The following ZC3H12C variants were observed in gnomAD, a reference collection of about 807,000 sequenced individuals.
ZC3H12C encodes the protein probable ribonuclease ZC3H12C.
A neutral mutation model predicts 76.3 loss-of-function variants in ZC3H12C; 20 were observed. That is an observed-to-expected ratio of 0.26 (90% CI 0.18 to 0.38). The LOEUF (loss-of-function observed/expected upper bound fraction) is 0.38. Ranked by LOEUF, ZC3H12C falls within the 10% of genes least tolerant of loss-of-function variation. ZC3H12C has a pLI of 1.00. For missense variants in ZC3H12C, 874 were observed against 1,086.5 expected, an observed-to-expected ratio of 0.80 and a Z score of 2.75; for synonymous variants, 352 against 399.6, an observed-to-expected ratio of 0.88 and a Z score of 1.42.
chr11:110,165,210 C>T lies in ZC3H12C; in HGVS notation c.2125C>T (p.His709Tyr). The T allele has an allele frequency of 1.2e-6, 2 of 1,613,932 alleles. No homozygotes were observed. The highest frequency in any genetic ancestry group is 1.7e-6 in the Non-Finnish European group (2 of 1,179,908). ...GCCTCCTCTTCCGCACCTGGCTCTG[C>T]ACCTGCCGCACTCCGCTGTGGGCGC... ...HKPPLPHLAL[H>Y]LPHSAVGARS... The change falls in exon 6 of 6, where the codon CAC becomes TAC. Residue 709 changes from histidine (H) to tyrosine (Y), a missense_variant. His to Tyr is a moderately conservative substitution (Grantham distance 83). Coordinates refer to ENST00000278590, the MANE Select transcript of ZC3H12C (RefSeq NM_033390.2).
intron 2 of ZC3H12C, among the ~76,000 whole-genome samples, chr11:110,145,030 A>T (rs1034139564): frequency 1.3e-5 from 2 of 152,194 alleles, no homozygotes; most frequent in Non-Finnish European, 2.9e-5. Flanking sequence ...TTGTCCCATC[A>T]TCTTCCCTTC....
At position 110,105,255 on chromosome 11, in the gene ZC3H12C, G is replaced by A. The variant is rs1227310441; in HGVS notation, c.21+11823G>A. On this transcript the variant is annotated intron_variant, in intron 1 of 5. Transcript: ENST00000278590. ...ATCTTTGGCATCATTTTCTTTGATG[G>A]CCTCATTGAGTTGATGATCTTATGT... Among the ~76,000 whole-genome samples the A allele has an allele frequency of 2.6e-5, 4 of 152,134 alleles. No individual in the cohort carries two copies. In the East Asian group the frequency reaches 7.7e-4, roughly 29 times the overall value.
At chr11:110,093,969 C>G (rs994244452) in intron 1 of ZC3H12C, among the ~76,000 whole-genome samples, 2 of 152,172 alleles carry the variant, frequency 1.3e-5, no homozygotes, top group East Asian at 1.9e-4. Flanking sequence ...CTCACTCCCC[C>G]CTCGTCCCTC....
In ZC3H12C at chr11:110,167,476, A is replaced by ATAT. The variant is rs1862605165; in HGVS notation, c.*1742_*1744dup. ...AATGTCTGTCTTAGTTTTATATAAT[A>ATAT]TATTAAAACACAGTAAATAAATTTA... On this transcript the variant is annotated 3_prime_UTR_variant, in exon 6 of 6. Coordinates refer to ENST00000278590, the MANE Select transcript of ZC3H12C (RefSeq NM_033390.2). The ATAT allele has an allele frequency of 6.6e-6, 1 of 152,206 alleles. No homozygotes were observed. Among genetic ancestry groups the ATAT allele is most frequent in the African/African-American group, 2.4e-5 (1 of 41,448 alleles). 9.4% of individuals were successfully genotyped at this position (152,206 alleles called of 1,614,324 possible). A position where few individuals can be genotyped will look rare whatever the true frequency, so the allele number is the denominator to read the frequency against.
chr11:110,107,533 GT>G (rs571102713), intron 1 of ZC3H12C, among the ~76,000 whole-genome samples: 4 of 149,220 alleles, frequency 2.7e-5, no homozygotes, highest in African/African-American at 7.4e-5. Context: ...CTTTTTTTTT[GT>G]TTTTTTTTAA....
At chr11:110,120,407 C>G (rs1861631999) in intron 1 of ZC3H12C, among the ~76,000 whole-genome samples, 1 of 152,130 alleles carries the variant, frequency 6.6e-6, no homozygotes, top group East Asian at 1.9e-4. Flanking sequence ...CTTAGGAACA[C>G]TGGACAGCAT....
intron 2 of ZC3H12C, 34 bp from the exon 3 acceptor site, chr11:110,152,885 G>A (rs775973894): frequency 6.3e-7 from 1 of 1,595,926 alleles, no homozygotes. Flanking sequence ...TTTAGGTTTT[G>A]TTGTGTTTTA....
intron 1 of ZC3H12C, among the ~76,000 whole-genome samples, chr11:110,114,459 A>G (rs1173635437): frequency 3.3e-5 from 5 of 152,212 alleles, no homozygotes; most frequent in South Asian, 2.1e-4. Context: ...GTTCTTAAGA[A>G]TAGCAACTTG....
At chr11:110,142,894 C>T (rs1862092728) in intron 2 of ZC3H12C, among the ~76,000 whole-genome samples, 1 of 152,128 alleles carries the variant, frequency 6.6e-6, no homozygotes, top group Non-Finnish European at 1.5e-5. Context: ...CCTGCCATGC[C>T]ATGGAATTTC....
intron 1 of ZC3H12C, among the ~76,000 whole-genome samples, chr11:110,130,124 T>C (rs1861833934): frequency 6.6e-6 from 1 of 152,202 alleles, no homozygotes; most frequent in Non-Finnish European, 1.5e-5. Flanking sequence ...ACTTTGCTTC[T>C]CTTTAATTAC....
At chr11:110,146,709 A>G (rs1862177666) in intron 2 of ZC3H12C, among the ~76,000 whole-genome samples, 1 of 152,244 alleles carries the variant, frequency 6.6e-6, no homozygotes, top group African/African-American at 2.4e-5. Flanking sequence ...CTGGGAAGGT[A>G]ACACTGCAGT....
chr11:110,169,119 T>C lies in ZC3H12C; in HGVS notation c.*3382T>C, dbSNP rs950513858. On this transcript the variant is annotated 3_prime_UTR_variant, in exon 6 of 6. Transcript: ENST00000278590. Reference sequence around the variant, plus strand: ...GGATGGAAAGCAGTTCTTCACTGGTTTTATTCTTGGTATTTTCAAAGAATT... The same window carrying C: ...GGATGGAAAGCAGTTCTTCACTGGTCTTATTCTTGGTATTTTCAAAGAATT... The C allele has an allele frequency of 2.6e-5, 4 of 152,126 alleles. No individual in the cohort carries two copies. Among genetic ancestry groups the C allele is most frequent in the Non-Finnish European group, 4.4e-5 (3 of 68,018 alleles). 9.4% of individuals were successfully genotyped at this position (152,126 alleles called of 1,614,324 possible).
chr11:110,127,166 T>C lies in ZC3H12C; in HGVS notation c.22-9497T>C, dbSNP rs564989864. 4.6e-4 allele frequency among the ~76,000 whole-genome samples: 70 copies of C among 152,372 alleles called. 1 individual carries two copies. Among genetic ancestry groups the C allele is most frequent in the South Asian group, 8.3e-4 (4 of 4,824 alleles). On this transcript the variant is annotated intron_variant, in intron 1 of 5. Coordinates refer to ENST00000278590, the MANE Select transcript of ZC3H12C (RefSeq NM_033390.2). ...CTTTCTGGAATGGGCATGTCTCAGA[T>C]GTTTATCAGGTTCTTGATACATTTG... is the stretch of plus-strand genomic sequence containing the variant.
At chr11:110,114,489 C>T (rs990740678) in intron 1 of ZC3H12C, among the ~76,000 whole-genome samples, 1 of 152,088 alleles carries the variant, frequency 6.6e-6, no homozygotes, top group African/African-American at 2.4e-5. Flanking sequence ...TTGTAACCTC[C>T]GTCTTTAACT....
At chr11:110,159,635 G>A in intron 4 of ZC3H12C, 145 bp downstream of exon 4, 1 of 740,630 alleles carries the variant, frequency 1.4e-6, no homozygotes, top group South Asian at 1.9e-5. Context: ...TCCTCAGTGG[G>A]AGTCAGGAAA....
chr11:110,100,211 A>ATTTT (rs1861187119), intron 1 of ZC3H12C, among the ~76,000 whole-genome samples: 4 of 30,814 alleles, frequency 1.3e-4, no homozygotes, highest in Non-Finnish European at 1.1e-4. Context: ...GCTATATGGT[A>ATTTT]CTTTTTTTTT....
intron 2 of ZC3H12C, among the ~76,000 whole-genome samples, chr11:110,142,717 G>A (rs1387675050): frequency 6.6e-6 from 1 of 152,062 alleles, no homozygotes; most frequent in African/African-American, 2.4e-5. Context: ...GTCCTAAATC[G>A]ATGACTTCCA....
At position 110,146,441 on chromosome 11, in the gene ZC3H12C, T is replaced by G. The variant is rs79060956; in HGVS notation, c.774-6478T>G. 7.5e-3 allele frequency among the ~76,000 whole-genome samples: 1,139 copies of G among 152,296 alleles called. 17 individuals are homozygous for G. The highest frequency in any genetic ancestry group is 0.026 in the African/African-American group (1,083 of 41,556). The stretch of plus-strand genomic sequence containing the variant: ...GTTGTCCCATTTCCAGCACTGAGGC[T>G]CTCCCATTATGTCACTTTTGCTCCT... On this transcript the variant is annotated intron_variant, in intron 2 of 5. Transcript: ENST00000278590.
At chr11:110,100,501 G>A (rs1244896075) in intron 1 of ZC3H12C, among the ~76,000 whole-genome samples, 3 of 152,140 alleles carry the variant, frequency 2.0e-5, no homozygotes, top group African/African-American at 4.8e-5. Context: ...TGTGGCAACC[G>A]TAAGTCAAGC....
Sources: gnomAD v4.1 joint callset for allele counts (sites outside exome capture counted in the v4.1 genomes callset) on GRCh38, gnomAD v4.1.1 for gene constraint, MANE v1.5 for transcripts, NCBI Gene and HGNC (gene_info 2026-07-23, HGNC 2026-07-21) for gene names.